UPRT: variants seen among roughly 807,000 people sequenced by gnomAD.
UPRT encodes the protein RP11-311P8.3.
In UPRT, 5 loss-of-function variants were observed where a neutral mutation model predicts 22.6. The observed-to-expected ratio is 0.22, with a 90% confidence interval of 0.12 to 0.47. UPRT has a LOEUF of 0.47. UPRT is among the 20% of genes least tolerant of loss of function. The pLI is 0.99. For synonymous variants in UPRT, 77 were observed against 87.7 expected, an observed-to-expected ratio of 0.88 and a Z score of 0.68; for missense variants, 181 against 239.9, an observed-to-expected ratio of 0.75 and a Z score of 1.62.
At chrX:75,252,334 C>T (rs2082533631) in intron 4 of UPRT, among the ~76,000 whole-genome samples, 1 of 110,767 alleles carries the variant, frequency 9.0e-6, no homozygotes, top group African/African-American at 3.3e-5. Flanking sequence ...TTAACTCAAA[C>T]AAATTTACAA....
chrX:75,232,857 G>T (rs1267365762), intron 4 of UPRT, among the ~76,000 whole-genome samples: 4 of 111,708 alleles, frequency 3.6e-5, no homozygotes, highest in African/African-American at 9.8e-5. Context: ...AGAAAAACTG[G>T]AAACTCTAAA....
chrX:75,248,183 C>T (rs771317632), intron 4 of UPRT, among the ~76,000 whole-genome samples: 3 of 111,965 alleles, frequency 2.7e-5, no homozygotes, highest in Non-Finnish European at 5.6e-5. Context: ...GAACGCAGCT[C>T]CTCACCAGCA....
chrX:75,257,769 T>TA (rs1324429183), intron 4 of UPRT, among the ~76,000 whole-genome samples: 2 of 109,716 alleles, frequency 1.8e-5, no homozygotes, highest in Admixed American at 9.7e-5. Context: ...TATGATCCCT[T>TA]AAAAAAAAAT....
At chrX:75,274,056 A>T, upstream of UPRT, 1 of 485,437 alleles carries the variant, frequency 2.1e-6, no homozygotes, top group Non-Finnish European at 3.2e-6. Flanking sequence ...CTAGGCAGGC[A>T]GTACGTCTGG....
intron 4 of UPRT, among the ~76,000 whole-genome samples, chrX:75,195,713 C>G (rs1158219667): frequency 4.5e-5 from 5 of 111,480 alleles, no homozygotes; most frequent in Non-Finnish European, 9.4e-5. Context: ...GTGCAGTAAC[C>G]CCGTTCAGGG....
chrX:75,177,990 A>C (rs193273858), intron 4 of UPRT, among the ~76,000 whole-genome samples: 6 of 112,440 alleles, frequency 5.3e-5, no homozygotes, highest in Middle Eastern at 4.7e-3. Context: ...GATAGATAGG[A>C]TAGATGGGCG....
At chrX:75,229,697 G>T (rs769278692) in intron 4 of UPRT, among the ~76,000 whole-genome samples, 1 of 111,991 alleles carries the variant, frequency 8.9e-6, no homozygotes, top group East Asian at 2.8e-4. Flanking sequence ...GAAGCAGTTT[G>T]AAGAGCCTTG....
intron 4 of UPRT, among the ~76,000 whole-genome samples, chrX:75,299,081 T>C (rs896065333): frequency 2.1e-4 from 24 of 113,020 alleles, no homozygotes; most frequent in East Asian, 1.1e-3. Flanking sequence ...GAAGATGGCA[T>C]GAGAATGACT....
chrX:75,271,038 A>G (rs1490697737), upstream of UPRT, among the ~76,000 whole-genome samples: 1 of 112,046 alleles, frequency 8.9e-6, no homozygotes, highest in African/African-American at 3.2e-5. Context: ...AAATGGAAAC[A>G]TAACCCATGT....
chrX:75,218,203 C>T (rs2082399094), intron 4 of UPRT, among the ~76,000 whole-genome samples: 1 of 110,833 alleles, frequency 9.0e-6, no homozygotes. Context: ...AAAAAACAAA[C>T]AACCCCATCA....
At chrX:75,242,601 T>C (rs1194083035) in intron 4 of UPRT, among the ~76,000 whole-genome samples, 2 of 54,262 alleles carry the variant, frequency 3.7e-5, no homozygotes, top group African/African-American at 1.0e-4. Flanking sequence ...ACTGCTTGTA[T>C]GCCATTATCA....
intron 4 of UPRT, among the ~76,000 whole-genome samples, chrX:75,266,485 C>T (rs756287971): frequency 9.0e-6 from 1 of 111,421 alleles, no homozygotes; most frequent in African/African-American, 3.3e-5. Context: ...ACCATAAAAA[C>T]CCTGGAAGAA....
intron 4 of UPRT, among the ~76,000 whole-genome samples, chrX:75,256,474 C>T (rs1056710466): frequency 9.0e-6 from 1 of 110,702 alleles, no homozygotes; most frequent in African/African-American, 3.3e-5. Flanking sequence ...CAAGAACCAA[C>T]CAAACCCAAA....
chrX:75,249,183 G>A (rs1402521158), intron 4 of UPRT, among the ~76,000 whole-genome samples: 2 of 111,469 alleles, frequency 1.8e-5, no homozygotes, highest in Non-Finnish European at 3.8e-5. Flanking sequence ...ACATCATAAT[G>A]ACAGGATCAA....
At chrX:75,267,474 T>C (rs962420867) in intron 4 of UPRT, among the ~76,000 whole-genome samples, 2 of 111,585 alleles carry the variant, frequency 1.8e-5, no homozygotes, top group African/African-American at 6.5e-5. Context: ...ATACCTAATG[T>C]AAATGACGAG....
At chrX:75,165,690 T>A (rs2082211269) in intron 3 of UPRT, among the ~76,000 whole-genome samples, 1 of 112,079 alleles carries the variant, frequency 8.9e-6, no homozygotes. Context: ...AATTGAAAGG[T>A]GAAACAGATG....
At chrX:75,161,078 T>A (rs1437216462) in intron 2 of UPRT, among the ~76,000 whole-genome samples, 2 of 112,897 alleles carry the variant, frequency 1.8e-5, no homozygotes, top group Non-Finnish European at 3.7e-5. Context: ...GTAGTTGTTT[T>A]AAAGTTATGT....
At chrX:75,156,476 A>G (rs891961571) in exon 1 of UPRT, 5 of 489,801 alleles carry the variant, frequency 1.0e-5, no homozygotes, top group African/African-American at 9.5e-5. Flanking sequence ...TCCTTACACA[A>G]CCGGGAATAT....
At chrX:75,254,761 CTTTTTTTTTTTT>C (rs34395700) in intron 4 of UPRT, among the ~76,000 whole-genome samples, 6 of 47,954 alleles carry the variant, frequency 1.3e-4, no homozygotes, top group African/African-American at 4.3e-4. Flanking sequence ...AGGAAAGAAT[CTTTTTTTTTTTT>C]TTTTTTTTTT....
Sources: allele counts gnomAD v4.1 joint callset (sites outside exome capture counted in the v4.1 genomes callset), GRCh38; gene constraint gnomAD v4.1.1; transcripts MANE v1.5; gene names NCBI Gene and HGNC (gene_info 2026-07-23, HGNC 2026-07-21).